MGAT4C: variants seen among roughly 807,000 people sequenced by gnomAD.
MGAT4C encodes MGAT4 family member C, also known as alpha-1,3-mannosyl-glycoprotein 4-beta-N-acetylglucosaminyltransferase C.
Under a neutral mutation model 40.1 loss-of-function variants are expected in MGAT4C, and 19 were observed. That is an observed-to-expected ratio of 0.47 (90% confidence interval 0.33 to 0.70). The LOEUF is 0.70. Ranked by LOEUF, MGAT4C falls within the 30% of genes least tolerant of loss-of-function variation. The probability of loss-of-function intolerance (pLI) is 0.02; values close to 1 mark genes in which losing one functional copy is unlikely to be tolerated. For missense variants in MGAT4C, 491 were observed against 563.2 expected, an observed-to-expected ratio of 0.87 and a Z score of 1.30; for synonymous variants, 181 against 187.1, an observed-to-expected ratio of 0.97 and a Z score of 0.27.
chr12:86,488,951 A>C (rs1246025428), intron 2 of MGAT4C, among the ~76,000 whole-genome samples: 1 of 152,158 alleles, frequency 6.6e-6, no homozygotes, highest in Non-Finnish European at 1.5e-5. Flanking sequence ...CCCACCTTCA[A>C]GCCAAAAAAC....
rs576390156 is a variant in MGAT4C at position 86,769,360 on chromosome 12, T to A, written c.-261-42119A>T. 4.2e-3 allele frequency among the ~76,000 whole-genome samples: 535 copies of A among 126,846 alleles called. 3 individuals are homozygous for A. The highest frequency in any genetic ancestry group is 0.013 in the African/African-American group (503 of 40,180). 83.2% of individuals were successfully genotyped at this position (126,846 alleles called of 152,430 possible). ...TTAGAATGGCAATCATTAAAAAGTC[T>A]GGAAACAGGTGCTGGAGAGGATGTG... On this transcript the variant is annotated intron_variant, in intron 1 of 7. Transcript: ENST00000548651.
At chr12:86,074,929 A>G (rs1292505864) in intron 1 of MGAT4C, among the ~76,000 whole-genome samples, 1 of 152,178 alleles carries the variant, frequency 6.6e-6, no homozygotes, top group Non-Finnish European at 1.5e-5. Context: ...GGAAGCTACA[A>G]TTCAAAATGA....
intron 2 of MGAT4C, among the ~76,000 whole-genome samples, chr12:86,705,891 T>G (rs1284578641): frequency 1.3e-5 from 2 of 152,210 alleles, no homozygotes; most frequent in Non-Finnish European, 2.9e-5. Flanking sequence ...GAGGATGTCA[T>G]GTAACACAAT....
At chr12:86,321,306 T>C (rs756638879) in intron 4 of MGAT4C, among the ~76,000 whole-genome samples, 2 of 152,180 alleles carry the variant, frequency 1.3e-5, no homozygotes, top group African/African-American at 2.4e-5. Context: ...ACATGTCTTC[T>C]AAAATGTAGC....
intron 2 of MGAT4C, among the ~76,000 whole-genome samples, chr12:86,627,216 G>A (rs1962842592): frequency 6.6e-6 from 1 of 152,170 alleles, no homozygotes; most frequent in African/African-American, 2.4e-5. Context: ...AAGGTGACCA[G>A]GAATCTTGAA....
At chr12:86,132,704 A>G (rs1390249414) in intron 1 of MGAT4C, among the ~76,000 whole-genome samples, 1 of 149,712 alleles carries the variant, frequency 6.7e-6, no homozygotes, top group African/African-American at 2.5e-5. Flanking sequence ...AGGCAGGAGA[A>G]TGGCGTGAAC....
chr12:86,708,622 G>A (rs1440469560), intron 2 of MGAT4C, among the ~76,000 whole-genome samples: 1 of 152,114 alleles, frequency 6.6e-6, no homozygotes, highest in African/African-American at 2.4e-5. Context: ...CCAGGAGGGA[G>A]GCTGCACCCT....
chr12:86,523,065 T>G (rs967472991), intron 2 of MGAT4C, among the ~76,000 whole-genome samples: 2 of 152,106 alleles, frequency 1.3e-5, no homozygotes, highest in Non-Finnish European at 2.9e-5. Flanking sequence ...TTAGTTGATC[T>G]TTTGAATGGT....
chr12:86,672,184 C>T (rs572181586), intron 2 of MGAT4C, among the ~76,000 whole-genome samples: 27 of 151,948 alleles, frequency 1.8e-4, no homozygotes, highest in Non-Finnish European at 2.9e-4. Context: ...TCTTGAATGA[C>T]CAGTGGGACA....
chr12:86,325,832 A>AT (rs1379797956), intron 4 of MGAT4C, among the ~76,000 whole-genome samples: 8 of 152,138 alleles, frequency 5.3e-5, no homozygotes, highest in Non-Finnish European at 1.0e-4. Context: ...AGCAGTGATC[A>AT]TACCACTGCA....
At chr12:86,183,860 AAG>A (rs1340075564) in intron 1 of MGAT4C, among the ~76,000 whole-genome samples, 1 of 152,214 alleles carries the variant, frequency 6.6e-6, no homozygotes, top group African/African-American at 2.4e-5. Context: ...ATTATCTGCT[AAG>A]AGCTTTGTCT....
At chr12:86,567,164 G>C (rs1278974943) in intron 2 of MGAT4C, among the ~76,000 whole-genome samples, 3 of 152,106 alleles carry the variant, frequency 2.0e-5, no homozygotes, top group Non-Finnish European at 4.4e-5. Flanking sequence ...CCCATAGCCA[G>C]GATTCACAGG....
At chr12:86,213,116 G>A (rs556369503) in intron 1 of MGAT4C, among the ~76,000 whole-genome samples, 1 of 152,164 alleles carries the variant, frequency 6.6e-6, no homozygotes, top group Admixed American at 6.5e-5. Context: ...CATTAGCTTT[G>A]TCTGCTGAGG....
At chr12:86,400,169 C>G (rs1012033102) in intron 3 of MGAT4C, among the ~76,000 whole-genome samples, 2 of 152,142 alleles carry the variant, frequency 1.3e-5, no homozygotes, top group African/African-American at 2.4e-5. Context: ...ACTCCCCAAC[C>G]CTTTTGGTCA....
intron 4 of MGAT4C, among the ~76,000 whole-genome samples, chr12:86,271,988 G>C (rs1952963131): frequency 6.6e-6 from 1 of 152,152 alleles, no homozygotes; most frequent in African/African-American, 2.4e-5. Context: ...TACAGAAACT[G>C]GGAAAGGTGA....
chr12:86,447,572 C>G (rs1957361377), intron 2 of MGAT4C, among the ~76,000 whole-genome samples: 1 of 151,806 alleles, frequency 6.6e-6, no homozygotes, highest in Non-Finnish European at 1.5e-5. Context: ...TTTTTACTCT[C>G]TACATAGACA....
chr12:86,627,021 C>T (rs1962829419), intron 2 of MGAT4C, among the ~76,000 whole-genome samples: 1 of 152,212 alleles, frequency 6.6e-6, no homozygotes, highest in African/African-American at 2.4e-5. Context: ...CACCTAAATA[C>T]TGCACTTTTC....
chr12:86,462,411 T>C (rs555482741), intron 2 of MGAT4C, among the ~76,000 whole-genome samples: 1 of 152,182 alleles, frequency 6.6e-6, no homozygotes, highest in Non-Finnish European at 1.5e-5. Context: ...TATCATCAGA[T>C]GGAGGAGATG....
intron 1 of MGAT4C, among the ~76,000 whole-genome samples, chr12:86,080,238 T>C (rs928225111): frequency 2.6e-5 from 4 of 152,186 alleles, no homozygotes; most frequent in African/African-American, 9.7e-5. Flanking sequence ...GTTATAGAGA[T>C]TGCTATGTTT....
Sources: gnomAD v4.1 joint callset for allele counts (sites outside exome capture counted in the v4.1 genomes callset) on GRCh38, gnomAD v4.1.1 for gene constraint, MANE v1.5 for transcripts, NCBI Gene and HGNC (gene_info 2026-07-23, HGNC 2026-07-21) for gene names.